DIAPH1: variants seen among roughly 807,000 people sequenced by gnomAD.
The protein encoded by DIAPH1 is protein diaphanous homolog 1.
Under a neutral mutation model 140.7 loss-of-function variants are expected in DIAPH1, and 46 were observed. That is an observed-to-expected ratio of 0.33 (90% CI 0.26 to 0.42). The LOEUF (loss-of-function observed/expected upper bound fraction) is 0.42. Ranked by LOEUF, DIAPH1 falls within the 10% of genes least tolerant of loss-of-function variation. The probability of loss-of-function intolerance (pLI) is 1.00; values close to 1 mark genes in which losing one functional copy is unlikely to be tolerated. For missense variants in DIAPH1, 1,310 were observed against 1,558.7 expected (o/e 0.84, Z 2.69); for synonymous variants, 565 against 551.6 (o/e 1.02, Z -0.34).
intron 1 of DIAPH1, among the ~76,000 whole-genome samples, chr5:141,600,123 T>C (rs1384197100): frequency 6.6e-6 from 1 of 152,172 alleles, no homozygotes; most frequent in Non-Finnish European, 1.5e-5. Flanking sequence ...ACACAAGGAT[T>C]CAGGATGCCA....
At chr5:141,535,198 C>T (rs2099888827) in intron 18 of DIAPH1, among the ~76,000 whole-genome samples, 1 of 152,184 alleles carries the variant, frequency 6.6e-6, no homozygotes, top group Admixed American at 6.5e-5. Context: ...AATCTGCCTG[C>T]CTCAGCCTCC....
chr5:141,604,529 AGT>A (rs1207701114), intron 1 of DIAPH1, among the ~76,000 whole-genome samples: 1 of 152,168 alleles, frequency 6.6e-6, no homozygotes, highest in Non-Finnish European at 1.5e-5. Flanking sequence ...TTATGATGTG[AGT>A]AGCAGGACAT....
intron 1 of DIAPH1, among the ~76,000 whole-genome samples, chr5:141,593,263 C>T (rs2099898767): frequency 6.6e-6 from 1 of 152,172 alleles, no homozygotes; most frequent in African/African-American, 2.4e-5. Context: ...GATCATACCC[C>T]ACCCCTCAAC....
chr5:141,588,262 G>A lies in DIAPH1; in HGVS notation c.118-12C>T. 3.1e-6 allele frequency: 5 copies of A among 1,608,356 alleles called. No individual in the cohort carries two copies. Among genetic ancestry groups the A allele is most frequent in the Non-Finnish European group, 4.3e-6 (5 of 1,175,120 alleles). ...AGCCGCTTCAGAGTCTAGGAAACAGGAAAAAGGAGGGAGAAGAAAGAAGAG... is the reference window on the plus strand; with the variant it reads ...AGCCGCTTCAGAGTCTAGGAAACAGAAAAAAGGAGGGAGAAGAAAGAAGAG... On this transcript the variant is annotated splice_polypyrimidine_tract_variant and intron_variant, in intron 1 of 27. Transcript: ENST00000389054.
intron 27 of DIAPH1, chr5:141,518,672 GCCAC>G: frequency 4.3e-6 from 2 of 465,776 alleles, no homozygotes; most frequent in Non-Finnish European, 7.9e-6. Flanking sequence ...ATAAGCATGT[GCCAC>G]CATATCTGGC....
chr5:141,538,869 A>G (rs1486281060), intron 18 of DIAPH1, among the ~76,000 whole-genome samples: 1 of 152,216 alleles, frequency 6.6e-6, no homozygotes, highest in African/African-American at 2.4e-5. Flanking sequence ...CACCCAGTCA[A>G]TAGTTTTTCA....
intron 18 of DIAPH1, 26 bp from the exon 19 acceptor site, chr5:141,534,459 A>T: frequency 6.2e-7 from 1 of 1,602,716 alleles, no homozygotes; most frequent in Non-Finnish European, 8.5e-7. Context: ...TTAGAAAAGC[A>T]TGATTAAAAG....
In DIAPH1 at chr5:141,574,084, G is replaced by A. The variant is rs953769579; in HGVS notation, c.1766C>T (p.Pro589Leu). Residue 589 changes from proline to leucine, a missense_variant, in exon 16 of 28, where the codon CCT becomes CTT. By Grantham distance (98) the Pro-to-Leu change is moderately conservative. Around this residue, in one of 3 missense-constraint regions of DIAPH1, gnomAD observed 589 missense variants for 549.3 expected, o/e 1.07. Transcript: ENST00000389054. ...RAPVPPAPPLPGDSGTIIPPP... is the reference protein window; with the variant it reads ...RAPVPPAPPLLGDSGTIIPPP... ...TGGAATAATAGTGCCAGAGTCACCA[G>A]GTAAAGGAGGGGCAGGGGGAACAGG... 1 of 1,613,080 alleles carries A rather than the reference G, an allele frequency of 6.2e-7. No homozygotes were observed. The highest frequency in any genetic ancestry group is 8.5e-7 in the Non-Finnish European group (1 of 1,179,596).
intron 1 of DIAPH1, among the ~76,000 whole-genome samples, chr5:141,607,881 A>C (rs916667997): frequency 6.6e-6 from 1 of 152,188 alleles, no homozygotes; most frequent in African/African-American, 2.4e-5. Flanking sequence ...CCGCAATTAC[A>C]TTCTGGGTCA....
chr5:141,618,616 C>T (rs1182487951), intron 1 of DIAPH1, 182 bp downstream of exon 1: 9 of 497,062 alleles, frequency 1.8e-5, no homozygotes, highest in African/African-American at 1.5e-4. Context: ...GGTGGGATTC[C>T]GGGGCTTCCC....
intron 1 of DIAPH1, among the ~76,000 whole-genome samples, chr5:141,605,622 G>A (rs2099900801): frequency 6.6e-6 from 1 of 152,190 alleles, no homozygotes; most frequent in Non-Finnish European, 1.5e-5. Flanking sequence ...AAGAATATTA[G>A]TGGAGTCTAA....
intron 1 of DIAPH1, 80 bp downstream of exon 1, chr5:141,618,718 C>A (rs2099903113): frequency 9.6e-7 from 1 of 1,043,088 alleles, no homozygotes; most frequent in Admixed American, 2.2e-5. Context: ...CAAAGCCGGG[C>A]AGGCGCCCCA....
rs972893707 is a variant in DIAPH1, at chr5:141,587,109, T to C, written c.233A>G (p.Asp78Gly). 11 of 1,614,054 alleles carry C rather than the reference T, an allele frequency of 6.8e-6. No homozygotes were observed. The highest frequency in any genetic ancestry group is 9.3e-6 in the Non-Finnish European group (11 of 1,180,012). The change falls in exon 3 of 28, where the codon GAT becomes GGT. Residue 78 changes from aspartate (D) to glycine (G), a missense_variant. Asp to Gly is a moderately conservative substitution (Grantham distance 94, BLOSUM62 -1). Coordinates refer to ENST00000389054, the MANE Select transcript of DIAPH1 (RefSeq NM_005219.5). ...HRNSSASYGDDPTAQSLQDVS... is the reference protein window; with the variant it reads ...HRNSSASYGDGPTAQSLQDVS... ...ATCTTGCAATGACTGTGCTGTGGGATCATCCCCATATGATGCAGAAGAATT... is the reference window on the plus strand; with the variant it reads ...ATCTTGCAATGACTGTGCTGTGGGACCATCCCCATATGATGCAGAAGAATT...
intron 18 of DIAPH1, among the ~76,000 whole-genome samples, chr5:141,545,733 C>T (rs2099890696): frequency 6.6e-6 from 1 of 152,196 alleles, no homozygotes; most frequent in African/African-American, 2.4e-5. Flanking sequence ...CATAAACAGA[C>T]ATATATTTTA....
At chr5:141,536,269 T>A (rs1399071737) in intron 18 of DIAPH1, among the ~76,000 whole-genome samples, 3 of 152,170 alleles carry the variant, frequency 2.0e-5, no homozygotes, top group African/African-American at 2.4e-5. Context: ...GCCACTGCAC[T>A]CCAGCCTGGA....
chr5:141,522,142 T>G (rs2099886650), intron 27 of DIAPH1, among the ~76,000 whole-genome samples: 1 of 152,232 alleles, frequency 6.6e-6, no homozygotes, highest in African/African-American at 2.4e-5. Flanking sequence ...GTTACCAGAA[T>G]AACTACAAAT....
chr5:141,570,950 T>C lies in DIAPH1; in HGVS notation c.2482+478A>G, dbSNP rs187607290. Among the ~76,000 whole-genome samples, 498 of 152,176 alleles carry C rather than the reference T, an allele frequency of 3.3e-3. 3 individuals are homozygous for C. Among genetic ancestry groups the C allele is most frequent in the Non-Finnish European group, 5.8e-3 (391 of 67,996 alleles). ...GCTAAAAAAGAAAATCAAGAATTTATATAGAAAAAATGGACCAGAAGTCAA... is the reference window on the plus strand; with the variant it reads ...GCTAAAAAAGAAAATCAAGAATTTACATAGAAAAAATGGACCAGAAGTCAA... On this transcript the variant is annotated intron_variant, in intron 18 of 27. Coordinates refer to ENST00000389054, the MANE Select transcript of DIAPH1 (RefSeq NM_005219.5).
chr5:141,526,148 C>G lies in DIAPH1; in HGVS notation c.3464G>C (p.Arg1155Pro), dbSNP rs779775889. Residue 1155 changes from arginine to proline, a missense_variant, in exon 26 of 28, where the codon CGG becomes CCG. Coordinates refer to ENST00000389054, the MANE Select transcript of DIAPH1 (RefSeq NM_005219.5). ...FLQAVKENQKRRETEEKMRRA... is the reference protein window; with the variant it reads ...FLQAVKENQKPRETEEKMRRA... ...CCTCATCTTTTCTTCTGTCTCCCGC[C>G]GCTTCTGGTTCTCCTTGACTGCTTG... is the stretch of plus-strand genomic sequence containing the variant. The G allele has an allele frequency of 1.2e-6, 2 of 1,613,972 alleles. No homozygotes were observed. Among genetic ancestry groups the G allele is most frequent in the Non-Finnish European group, 1.7e-6 (2 of 1,180,042 alleles).
intron 1 of DIAPH1, among the ~76,000 whole-genome samples, chr5:141,615,113 CTAATTTTAA>C (rs1158457807): frequency 3.3e-5 from 5 of 152,122 alleles, no homozygotes; most frequent in Non-Finnish European, 7.3e-5. Flanking sequence ...CAAAATTAAA[CTAATTTTAA>C]TAATTTTAAT....
Sources: allele counts gnomAD v4.1 joint callset (sites outside exome capture counted in the v4.1 genomes callset), GRCh38; gene constraint gnomAD v4.1.1; regional missense constraint gnomAD v4.1.1; transcripts MANE v1.5; gene names NCBI Gene and HGNC (gene_info 2026-07-23, HGNC 2026-07-21).